PELP1: variants seen among roughly 807,000 people sequenced by gnomAD.
PELP1 encodes proline, glutamate and leucine rich protein 1, also known as proline-, glutamic acid- and leucine-rich protein 1.
In PELP1, 32 loss-of-function variants were observed where a neutral mutation model predicts 95.5. The ratio of observed to expected loss-of-function variants is 0.34; its 90% CI spans 0.25 to 0.45. The LOEUF is 0.45. Ranked by LOEUF, PELP1 falls within the 20% of genes least tolerant of loss-of-function variation. The pLI is 1.00. For synonymous variants in PELP1, 668 were observed against 600.1 expected (o/e 1.11, Z -1.65); for missense variants, 1,358 against 1,444.8 (o/e 0.94, Z 0.97).
intron 4 of PELP1, 56 bp downstream of exon 4, chr17:4,682,747 G>T: frequency 6.6e-7 from 1 of 1,505,874 alleles, no homozygotes. Context: ...ATTAAACAGT[G>T]TGTGAAGGTG....
rs969899014 is a variant in PELP1 at position 4,676,750 on chromosome 17, T to C, written c.702+3A>G. On this transcript the variant is annotated splice_donor_region_variant and intron_variant, in intron 6 of 16. Coordinates refer to ENST00000572293, the MANE Select transcript of PELP1 (RefSeq NM_014389.3). ...GCTCTCCCTCTCCCTCCCTGCCCTT[T>C]ACCTGTTGGAGCTGAGGGCTCAAGG... is the stretch of plus-strand genomic sequence containing the variant. 16 of 1,567,286 alleles carry C rather than the reference T, an allele frequency of 1.0e-5. No homozygotes were observed. The highest frequency in any genetic ancestry group is 1.4e-5 in the Non-Finnish European group (16 of 1,155,396).
In PELP1 at chr17:4,672,789, T is replaced by G; in HGVS notation, c.2202A>C (p.Ser734=). 6.2e-7 allele frequency: 1 copy of G among 1,613,846 alleles called. No individual in the cohort carries two copies. The highest frequency in any genetic ancestry group is 1.1e-5 in the South Asian group (1 of 91,064). ...TAGGGGCAAGGATGGGGTCCTCATT[T>G]GAGCCTGCCCGGTGGTTCTCAGGGC... ...LPGPENHRAG[S]NEDPILAPSG... Residue 734 remains serine (S), a synonymous_variant, in exon 16 of 17, where the codon TCA becomes TCC. Transcript: ENST00000572293.
Position 4,682,568 on chromosome 17 carries a change from C to T in PELP1, c.576G>A (p.Glu192=), listed in dbSNP as rs1359381797. Reference sequence around the variant, plus strand: ...CCTTCATTCCTTCCAATGCTGACTGCTCACACTGTAGGAAAAACAAAGGGA... The same window carrying T: ...CCTTCATTCCTTCCAATGCTGACTGTTCACACTGTAGGAAAAACAAAGGGA... ...TSLLGLRPEC[E]QSALEGMKAC... Residue 192 remains glutamate (E), a synonymous_variant, in exon 5 of 17, where the codon GAG becomes GAA. Coordinates refer to ENST00000572293, the MANE Select transcript of PELP1 (RefSeq NM_014389.3). 2 of 1,611,866 alleles carry T rather than the reference C, an allele frequency of 1.2e-6. No individual in the cohort carries two copies. Among genetic ancestry groups the T allele is most frequent in the Admixed American group, 1.7e-5 (1 of 60,016 alleles).
Position 4,672,309 on chromosome 17 carries a change from T to TCC in PELP1, c.2681_2682insGG (p.Glu896LysfsTer48), listed in dbSNP as rs1912248504. 6.4e-7 allele frequency: 1 copy of TCC among 1,551,608 alleles called. No homozygotes were observed. The highest frequency in any genetic ancestry group is 8.7e-7 in the Non-Finnish European group (1 of 1,146,550). On this transcript the variant is annotated frameshift_variant, in exon 16 of 17. Coordinates refer to ENST00000572293, the MANE Select transcript of PELP1 (RefSeq NM_014389.3). LOFTEE classifies it high-confidence loss of function. ...CTTCCTCTTCTTCTTCTTCCTCTTC[T>TCC]TCCTCTTCCTCCTCCTCTTCATCAC...
intron 5 of PELP1, 109 bp from the exon 6 acceptor site, chr17:4,676,921 T>C: frequency 1.2e-6 from 1 of 821,134 alleles, no homozygotes; most frequent in South Asian, 1.6e-5. Context: ...CTCTTTTTCC[T>C]GTAGACACAA....
chr17:4,682,967 A>AAT lies in PELP1; in HGVS notation c.421-17_421-16dup, dbSNP rs1912748244. On this transcript the variant is annotated splice_polypyrimidine_tract_variant and intron_variant, in intron 3 of 16. Transcript: ENST00000572293. ...GGGTCCTGGGTCTAAAGAAAAAAATAATGTCTCGTGCTTCCAGCCTCACCT... is the reference window on the plus strand; with the variant it reads ...GGGTCCTGGGTCTAAAGAAAAAAATAATATGTCTCGTGCTTCCAGCCTCACCT... 25 of 1,465,238 alleles carry AAT rather than the reference A, an allele frequency of 1.7e-5. No homozygotes were observed. Among genetic ancestry groups the AAT allele is most frequent in the Non-Finnish European group, 2.3e-5 (25 of 1,107,970 alleles). The allele number at this position is 1,465,238 out of a possible 1,614,324, so 90.8% of individuals were successfully genotyped here. A position where few individuals can be genotyped will look rare whatever the true frequency, so the allele number is the denominator to read the frequency against.
Position 4,674,853 on chromosome 17 carries a change from T to C in PELP1, c.1378A>G (p.Thr460Ala), listed in dbSNP as rs756605473. 13 of 1,613,326 alleles carry C rather than the reference T, an allele frequency of 8.1e-6. No individual in the cohort carries two copies. The South Asian group carries it at 1.4e-4, about 18-fold the overall frequency. ...GGGGAGATGTCGCTGAGCAGGTGGG[T>C]GAGCAGGGCCTCTCCAGAGGCTCCT... ...QGGASGEALLTHLLSDISPPA... is the reference protein window; with the variant it reads ...QGGASGEALLAHLLSDISPPA... The change falls in exon 12 of 17, where the codon ACC (threonine) becomes GCC (alanine). Residue 460 changes from threonine to alanine, a missense_variant. Around this residue, in one of 7 missense-constraint regions of PELP1, gnomAD observed 538 missense variants for 628.1 expected, o/e 0.86. Coordinates refer to ENST00000572293, the MANE Select transcript of PELP1 (RefSeq NM_014389.3).
At chr17:4,682,612 C>T in intron 4 of PELP1, 39 bp from the exon 5 acceptor site, 2 of 1,530,100 alleles carry the variant, frequency 1.3e-6, no homozygotes, top group Non-Finnish European at 9.1e-7. Context: ...AGGCTGCGAG[C>T]ACCATGTCAC....
intron 1 of PELP1, among the ~76,000 whole-genome samples, chr17:4,700,838 T>C (rs1194288104): frequency 6.7e-6 from 1 of 149,932 alleles, no homozygotes; most frequent in Non-Finnish European, 1.5e-5. Flanking sequence ...GGTGGAAGGA[T>C]TACTTGAACC....
chr17:4,683,865 G>A (rs1912810628), intron 3 of PELP1, among the ~76,000 whole-genome samples: 1 of 135,888 alleles, frequency 7.4e-6, no homozygotes, highest in South Asian at 2.4e-4. Context: ...TTGAGACAGG[G>A]TCTCACTCTG....
rs773391032 is a variant in PELP1 at position 4,671,661 on chromosome 17, C to T, written c.3300+30G>A. 6 of 1,597,216 alleles carry T rather than the reference C, an allele frequency of 3.8e-6. No individual in the cohort carries two copies. The South Asian group carries it at 5.6e-5, about 15-fold the overall frequency. On this transcript the variant is annotated intron_variant, in intron 16 of 16. Transcript: ENST00000572293. ...TCTCCCGCCAGCCCCACCTTCTCGC[C>T]CAAGGAACCTTCCCTGCCTGGCCTC...
At chr17:4,702,775 G>A (rs996838059) in intron 1 of PELP1, among the ~76,000 whole-genome samples, 7 of 152,202 alleles carry the variant, frequency 4.6e-5, no homozygotes, top group Non-Finnish European at 1.0e-4. Flanking sequence ...GTGTTTATGG[G>A]TCTTGAAGGA....
intron 1 of PELP1, among the ~76,000 whole-genome samples, chr17:4,693,010 C>A (rs1262888385): frequency 4.6e-5 from 7 of 151,570 alleles, no homozygotes; most frequent in African/African-American, 1.7e-4. Context: ...AACTCCATCT[C>A]AAAAAAAGAA....
intron 1 of PELP1, chr17:4,696,929 G>A (rs1913322951): frequency 6.6e-6 from 1 of 151,936 alleles, no homozygotes. Flanking sequence ...GGTGACAATA[G>A]GGAGCTCAGT....
chr17:4,690,046 G>A (rs941321987), intron 3 of PELP1, among the ~76,000 whole-genome samples: 1 of 152,100 alleles, frequency 6.6e-6, no homozygotes, highest in East Asian at 1.9e-4. Flanking sequence ...GAGACAGAGA[G>A]AGAGAGAGAA....
chr17:4,693,371 G>A (rs1913181374), intron 1 of PELP1, among the ~76,000 whole-genome samples: 1 of 152,202 alleles, frequency 6.6e-6, no homozygotes, highest in Admixed American at 6.5e-5. Context: ...ACCCCAGGCA[G>A]GTGCCTGAAA....
intron 3 of PELP1, among the ~76,000 whole-genome samples, chr17:4,686,839 C>T (rs977284568): frequency 6.6e-6 from 1 of 152,004 alleles, no homozygotes; most frequent in Non-Finnish European, 1.5e-5. Context: ...CTTTCAATCA[C>T]CACCACCACC....
intron 5 of PELP1, among the ~76,000 whole-genome samples, chr17:4,681,784 G>A (rs1219270311): frequency 6.6e-6 from 1 of 151,816 alleles, no homozygotes; most frequent in Non-Finnish European, 1.5e-5. Context: ...TGGCAACAGA[G>A]TGAGACTCCA....
rs369414584 is a variant in PELP1 at position 4,682,920 on chromosome 17, G to A, written c.453C>T (p.Ala151=). 1.1e-4 allele frequency: 175 copies of A among 1,554,246 alleles called. 1 individual carries two copies. Among genetic ancestry groups the A allele is most frequent in the Admixed American group, 5.4e-4 (26 of 47,796 alleles). Reference sequence around the variant, plus strand: ...GGAGGAGGTCCCTCAGGACAGCCACGGCCAGCTCCATTGTGGCAGGCGGGT... The same window carrying A: ...GGAGGAGGTCCCTCAGGACAGCCACAGCCAGCTCCATTGTGGCAGGCGGGT... The part of the protein sequence containing the change: ...TQDPPATMEL[A]VAVLRDLLRY... The change falls in exon 4 of 17, where the codon GCC becomes GCT. Residue 151 remains alanine (A), a synonymous_variant. Transcript: ENST00000572293.
Sources: gnomAD v4.1 joint callset for allele counts (sites outside exome capture counted in the v4.1 genomes callset) on GRCh38, gnomAD v4.1.1 for gene constraint, gnomAD v4.1.1 regional missense constraint, MANE v1.5 for transcripts, NCBI Gene and HGNC (gene_info 2026-07-23, HGNC 2026-07-21) for gene names.